The following PPIP5K1 variants were observed in gnomAD, a reference collection of about 807,000 sequenced individuals.
PPIP5K1 encodes the protein inositol hexakisphosphate and diphosphoinositol-pentakisphosphate kinase 1.
Under a neutral mutation model 27.7 loss-of-function variants are expected in PPIP5K1, and 6 were observed. The observed-to-expected ratio is 0.22, with a 90% CI of 0.12 to 0.43. The LOEUF (loss-of-function observed/expected upper bound fraction) is 0.43. Among genes scored for constraint, PPIP5K1 ranks in the 20% least tolerant of loss-of-function variants. The probability of loss-of-function intolerance (pLI) is 1.00; values close to 1 mark genes in which losing one functional copy is unlikely to be tolerated. For missense variants in PPIP5K1, 394 were observed against 635.4 expected (o/e 0.62, Z 4.08); for synonymous variants, 145 against 242.6 (o/e 0.60, Z 3.74).
At chr15:43,543,758 C>G (rs2081051957) in intron 30 of PPIP5K1, among the ~76,000 whole-genome samples, 1 of 151,194 alleles carries the variant, frequency 6.6e-6, no homozygotes, top group Non-Finnish European at 1.5e-5. Context: ...TTCCTAATAA[C>G]AGGAACATAA....
At chr15:43,541,764 A>G (rs894208224) in intron 30 of PPIP5K1, among the ~76,000 whole-genome samples, 8 of 151,912 alleles carry the variant, frequency 5.3e-5, no homozygotes, top group African/African-American at 1.9e-4. Flanking sequence ...AGAAAAGAAC[A>G]GGCCAGTTGT....
chr15:43,542,649 T>A (rs1312420813), intron 30 of PPIP5K1, among the ~76,000 whole-genome samples: 2 of 104,508 alleles, frequency 1.9e-5, no homozygotes, highest in Non-Finnish European at 3.9e-5. Context: ...ATATATTCAG[T>A]GTGTGTGTGT....
At chr15:43,547,987 C>A (rs1224209231) in intron 30 of PPIP5K1, among the ~76,000 whole-genome samples, 1 of 152,144 alleles carries the variant, frequency 6.6e-6, no homozygotes, top group Non-Finnish European at 1.5e-5. Flanking sequence ...ACATGAAATG[C>A]CTTTCCATTT....
At position 43,542,171 on chromosome 15, in the gene PPIP5K1, A is replaced by T. The variant is rs541752912; in HGVS notation, c.3557-2588T>A. On this transcript the variant is annotated intron_variant, in intron 30 of 31. Coordinates refer to ENST00000420765, the MANE Select transcript of PPIP5K1 (RefSeq NM_001394395.1). The stretch of plus-strand genomic sequence containing the variant: ...CAAATGGGACTATTTGATTATACTG[A>T]ACTACAGTTCTCACTGAAAAGGCAG... 8.5e-5 allele frequency among the ~76,000 whole-genome samples: 13 copies of T among 152,348 alleles called. 1 individual carries two copies. In the South Asian group the frequency reaches 2.5e-3, roughly 29 times the overall value.
intron 30 of PPIP5K1, among the ~76,000 whole-genome samples, chr15:43,549,471 G>A (rs2081925222): frequency 6.6e-6 from 1 of 151,490 alleles, no homozygotes; most frequent in Admixed American, 6.6e-5. Context: ...GAACAGCCTA[G>A]GCAATATGGC....
chr15:43,552,185 G>T (rs1345985327), intron 30 of PPIP5K1, among the ~76,000 whole-genome samples: 1 of 151,894 alleles, frequency 6.6e-6, no homozygotes, highest in Middle Eastern at 3.2e-3. Context: ...GAACTCTTGG[G>T]CTCAAGCAAT....
chr15:43,544,294 C>T (rs2081116531), intron 30 of PPIP5K1, among the ~76,000 whole-genome samples: 1 of 152,048 alleles, frequency 6.6e-6, no homozygotes, highest in Non-Finnish European at 1.5e-5. Flanking sequence ...CACTATTCTA[C>T]ATCTTGTTTT....
At chr15:43,551,606 G>GTT (rs1293557795) in intron 30 of PPIP5K1, among the ~76,000 whole-genome samples, 13 of 105,456 alleles carry the variant, frequency 1.2e-4, no homozygotes, top group Non-Finnish European at 1.6e-4. Context: ...TCTTGATTCA[G>GTT]TTTTTTTTTT....
At chr15:43,540,649 A>G (rs961166097) in intron 30 of PPIP5K1, among the ~76,000 whole-genome samples, 2 of 151,576 alleles carry the variant, frequency 1.3e-5, no homozygotes, top group African/African-American at 4.9e-5. Flanking sequence ...GTGAGCCGAG[A>G]TCGCATCATT....
intron 30 of PPIP5K1, among the ~76,000 whole-genome samples, chr15:43,557,717 C>A (rs533676504): frequency 2.0e-5 from 3 of 150,584 alleles, no homozygotes; most frequent in Non-Finnish European, 4.4e-5. Flanking sequence ...CAGGCTGGAG[C>A]GCAGTGGCGT....
intron 30 of PPIP5K1, among the ~76,000 whole-genome samples, chr15:43,549,787 A>G (rs1302559780): frequency 6.6e-6 from 1 of 152,184 alleles, no homozygotes; most frequent in African/African-American, 2.4e-5. Context: ...CCTGGGCAAC[A>G]TGGCAAAACC....
At chr15:43,560,379 T>C (rs1293348806) in intron 29 of PPIP5K1, 34 bp downstream of exon 29, 2 of 1,286,184 alleles carry the variant, frequency 1.6e-6, no homozygotes, top group African/African-American at 3.0e-5. Context: ...CCAGCCAGGG[T>C]AGTGGCAGCA....
In PPIP5K1 at chr15:43,535,075, G is replaced by C; in HGVS notation, c.4072C>G (p.Gln1358Glu). 1 of 1,614,036 alleles carries C rather than the reference G, an allele frequency of 6.2e-7. No homozygotes were observed. The highest frequency in any genetic ancestry group is 8.5e-7 in the Non-Finnish European group (1 of 1,179,998). Reference sequence around the variant, plus strand: ...GGCTGGCTGATGTGAGGGACCTCCTGGCATGTGTGGTTACCATTGTCATGG... The same window carrying C: ...GGCTGGCTGATGTGAGGGACCTCCTCGCATGTGTGGTTACCATTGTCATGG... ...ENHDNGNHTC[Q>E]EVPHISQPCQ... is the part of the protein sequence containing the mutation. Residue 1358 changes from glutamine (Q) to glutamate (E), a missense_variant, in exon 32 of 32, where the codon CAG (glutamine) becomes GAG (glutamate). Gln to Glu is a conservative substitution (Grantham distance 29, BLOSUM62 2). Coordinates refer to ENST00000420765, the MANE Select transcript of PPIP5K1 (RefSeq NM_001394395.1).
At chr15:43,554,309 C>T (rs1028354726) in intron 30 of PPIP5K1, among the ~76,000 whole-genome samples, 1 of 151,982 alleles carries the variant, frequency 6.6e-6, no homozygotes, top group Non-Finnish European at 1.5e-5. Context: ...ATATGACTTT[C>T]TCTTACTTGT....
At chr15:43,557,674 TCTC>T (rs2083169361) in intron 30 of PPIP5K1, among the ~76,000 whole-genome samples, 1 of 151,982 alleles carries the variant, frequency 6.6e-6, no homozygotes, top group Non-Finnish European at 1.5e-5. Context: ...TCTCTCTCTC[TCTC>T]TTTTGTGGTA....
Position 43,534,714 on chromosome 15 carries a change from A to G in PPIP5K1, c.4433T>C (p.Ile1478Thr). ...AGGGACCTCCTGGGCCTGCAGATCA[A>G]TCTCCTCAGGGAACTCTTGGGATGG... ...DKPSQEFPEE[I>T]DLQAQEVPEE... Residue 1478 changes from isoleucine to threonine, a missense_variant, in exon 32 of 32, where the codon ATT becomes ACT. This residue lies in a region of PPIP5K1 where 379 missense variants were observed against 423.9 expected (regional missense o/e 0.89). Coordinates refer to ENST00000420765, the MANE Select transcript of PPIP5K1 (RefSeq NM_001394395.1). The G allele has an allele frequency of 2.0e-6, 3 of 1,526,374 alleles. No individual in the cohort carries two copies. In the East Asian group the frequency reaches 6.8e-5, roughly 35 times the overall value. 94.6% of individuals were successfully genotyped at this position (1,526,374 alleles called of 1,614,324 possible).
chr15:43,579,461 G>GTA (rs1262323264), intron 10 of PPIP5K1, among the ~76,000 whole-genome samples: 1 of 106,362 alleles, frequency 9.4e-6, no homozygotes, highest in East Asian at 3.5e-4. Context: ...TACAGTTTGT[G>GTA]TATATACACA....
In PPIP5K1 at chr15:43,535,147, G is replaced by T. The variant is rs2079658495; in HGVS notation, c.4000C>A (p.Gln1334Lys). ...PCQDISEALS[Q>K]PCQKVPDISQ... is the part of the protein sequence containing the mutation. ...ATGTCAGGGACCTTCTGACATGGCT[G>T]GCTGAGCGCCTCAGAAATGTCCTGG... is the stretch of plus-strand genomic sequence containing the variant. Residue 1334 changes from glutamine (Q) to lysine (K), a missense_variant, in exon 32 of 32, where the codon CAG becomes AAG. By Grantham distance (53) the Gln-to-Lys change is moderately conservative. This residue lies in a region of PPIP5K1 where 379 missense variants were observed against 423.9 expected (regional missense o/e 0.89). Transcript: ENST00000420765. 6 of 1,613,314 alleles carry T rather than the reference G, an allele frequency of 3.7e-6. No individual in the cohort carries two copies. Among genetic ancestry groups the T allele is most frequent in the East Asian group, 4.5e-5 (2 of 44,850 alleles).
rs1490490499 is a variant in PPIP5K1, at chr15:43,548,243, C to T, written c.3557-8660G>A. Reference sequence around the variant, plus strand: ...CCTCCTGAGTAGCTGGGACTACAGGCACCCGCCACTGTGCCTGGCTATTTT... The same window carrying T: ...CCTCCTGAGTAGCTGGGACTACAGGTACCCGCCACTGTGCCTGGCTATTTT... On this transcript the variant is annotated intron_variant, in intron 30 of 31. Transcript: ENST00000420765. Among the ~76,000 whole-genome samples, 4 of 151,692 alleles carry T rather than the reference C, an allele frequency of 2.6e-5. No individual in the cohort carries two copies. In the East Asian group the frequency reaches 5.9e-4, roughly 22 times the overall value.
Sources: gnomAD v4.1 joint callset for allele counts (sites outside exome capture counted in the v4.1 genomes callset) on GRCh38, gnomAD v4.1.1 for gene constraint, gnomAD v4.1.1 regional missense constraint, MANE v1.5 for transcripts, NCBI Gene and HGNC (gene_info 2026-07-23, HGNC 2026-07-21) for gene names.